CTSC: variants seen among roughly 807,000 people sequenced by gnomAD.
The protein encoded by CTSC is dipeptidyl peptidase 1.
CTSC carries 37 observed loss-of-function variants against 40.9 expected under a neutral mutation model. The ratio of observed to expected loss-of-function variants is 0.91; its 90% CI spans 0.70 to 1.19. CTSC has a LOEUF of 1.19. Among genes scored for constraint, CTSC ranks in the 50% most tolerant of loss-of-function variants. The probability of loss-of-function intolerance (pLI) is 0.00; values close to 1 mark genes in which losing one functional copy is unlikely to be tolerated. For synonymous variants in CTSC, 232 were observed against 207.4 expected (o/e 1.12, Z -1.02); for missense variants, 594 against 567.3 (o/e 1.05, Z -0.48).
At chr11:88,294,543 T>C (rs1291903001) in intron 6 of CTSC, 35 bp from the exon 7 acceptor site, 2 of 1,612,032 alleles carry the variant, frequency 1.2e-6, no homozygotes, top group Non-Finnish European at 1.7e-6. Flanking sequence ...TACCCCTTAG[T>C]AGAAAAAGGA....
intron 4 of CTSC, among the ~76,000 whole-genome samples, chr11:88,307,054 T>A (rs1937648785): frequency 6.6e-6 from 1 of 152,174 alleles, no homozygotes; most frequent in Non-Finnish European, 1.5e-5. Flanking sequence ...GCGAGGGAGA[T>A]AAGGGAACTC....
At chr11:88,336,520 C>T (rs1376397483) in intron 1 of CTSC, among the ~76,000 whole-genome samples, 1 of 135,546 alleles carries the variant, frequency 7.4e-6, no homozygotes, top group Non-Finnish European at 1.5e-5. Context: ...GCCTGGGTGA[C>T]AGAGCAAGAC....
At chr11:88,326,368 CTCTG>C (rs1938187714) in intron 2 of CTSC, 2 of 1,611,526 alleles carry the variant, frequency 1.2e-6, no homozygotes, top group African/African-American at 2.7e-5. Flanking sequence ...TCGCAGGCTG[CTCTG>C]TCTCTTAGCC....
At chr11:88,326,518 T>A in intron 2 of CTSC, 1 of 845,452 alleles carries the variant, frequency 1.2e-6, no homozygotes, top group Non-Finnish European at 1.8e-6. Context: ...CATATCAGTT[T>A]CTTTAAGTAA....
At chr11:88,301,057 G>C (rs1043578206) in intron 4 of CTSC, among the ~76,000 whole-genome samples, 74 of 152,208 alleles carry the variant, frequency 4.9e-4, no homozygotes, top group African/African-American at 1.7e-3. Context: ...CAGACACATT[G>C]GTAGTGAGGT....
rs73534520 is a variant in CTSC, at chr11:88,337,726, G to A, written c.-54C>T. The stretch of plus-strand genomic sequence containing the variant: ...GAATTACCAGGAAGCCGAGCGCTGC[G>A]GGCTAGCGGTGAGTCCACCACGAGG... On this transcript the variant is annotated 5_prime_UTR_variant, in exon 1 of 7. Coordinates refer to ENST00000227266, the MANE Select transcript of CTSC (RefSeq NM_001814.6). 1.6e-4 allele frequency: 241 copies of A among 1,545,052 alleles called. 1 individual carries two copies. The African/African-American group carries it at 2.8e-3, about 18-fold the overall frequency.
intron 2 of CTSC, chr11:88,326,470 C>T: frequency 7.1e-7 from 1 of 1,407,096 alleles, no homozygotes; most frequent in African/African-American, 1.4e-5. Flanking sequence ...ACTAGGGTTA[C>T]AAGCCAACAA....
intron 6 of CTSC, among the ~76,000 whole-genome samples, chr11:88,295,249 G>A (rs540751991): frequency 2.0e-5 from 3 of 152,308 alleles, no homozygotes; most frequent in African/African-American, 7.2e-5. Flanking sequence ...TCACTAGTGA[G>A]CTGGGAAATT....
chr11:88,311,923 C>G (rs370790248), intron 3 of CTSC, among the ~76,000 whole-genome samples: 1 of 152,186 alleles, frequency 6.6e-6, no homozygotes, highest in African/African-American at 2.4e-5. Context: ...TTCCTTAAGC[C>G]ACCCAGTCTG....
rs112016678 is a variant in CTSC at position 88,300,667 on chromosome 11, G to T, written c.642-22C>A. On this transcript the variant is annotated intron_variant, in intron 4 of 6. Transcript: ENST00000227266. ...GGGCCTAGAAAGGAAATATACATTTGATATCAACATATAATCTTTCCTTTG... is the reference window on the plus strand; with the variant it reads ...GGGCCTAGAAAGGAAATATACATTTTATATCAACATATAATCTTTCCTTTG... 39 of 1,330,914 alleles carry T rather than the reference G, an allele frequency of 2.9e-5. No homozygotes were observed. In the African/African-American group the frequency reaches 4.6e-4, roughly 16 times the overall value. The allele number at this position is 1,330,914 out of a possible 1,614,324, so 82.4% of individuals were successfully genotyped here.
In CTSC at chr11:88,337,587, T is replaced by C. The variant is rs781093858; in HGVS notation, c.86A>G (p.Asn29Ser). ...DGAVRCDTPA[N>S]CTYLDLLGTW... Reference sequence around the variant, plus strand: ...GCCCAGCAGGTCAAGATAGGTGCAGTTGGCAGGTGTGTCGCAGCGCACGGC... The same window carrying C: ...GCCCAGCAGGTCAAGATAGGTGCAGCTGGCAGGTGTGTCGCAGCGCACGGC... Residue 29 changes from asparagine (N) to serine (S), a missense_variant, in exon 1 of 7, where the codon AAC becomes AGC. Coordinates refer to ENST00000227266, the MANE Select transcript of CTSC (RefSeq NM_001814.6). 6.3e-7 allele frequency: 1 copy of C among 1,578,268 alleles called. No individual in the cohort carries two copies. Among genetic ancestry groups the C allele is most frequent in the South Asian group, 1.2e-5 (1 of 86,218 alleles).
rs1434894149 is a variant in CTSC at position 88,309,162 on chromosome 11, C to T, written c.641+1G>A. ...TAATGATAAAATGTGTGCTTGATTACCTTGGGATTTTTCGACTGTGGCCAC... is the reference window on the plus strand; with the variant it reads ...TAATGATAAAATGTGTGCTTGATTATCTTGGGATTTTTCGACTGTGGCCAC... On this transcript the variant is annotated splice_donor_variant, in intron 4 of 6. Coordinates refer to ENST00000227266, the MANE Select transcript of CTSC (RefSeq NM_001814.6). LOFTEE classifies it high-confidence loss of function. The T allele has an allele frequency of 6.2e-6, 10 of 1,613,434 alleles. No individual in the cohort carries two copies. The highest frequency in any genetic ancestry group is 8.5e-6 in the Non-Finnish European group (10 of 1,179,504).
intron 4 of CTSC, among the ~76,000 whole-genome samples, chr11:88,308,686 C>A (rs1281399067): frequency 6.6e-6 from 1 of 151,868 alleles, no homozygotes; most frequent in East Asian, 1.9e-4. Context: ...TGGCCACCCC[C>A]ACCCCTTCCC....
intron 2 of CTSC, among the ~76,000 whole-genome samples, chr11:88,318,896 G>A (rs189451440): frequency 3.0e-4 from 45 of 152,072 alleles, no homozygotes; most frequent in Non-Finnish European, 5.9e-4. Flanking sequence ...CAAAAAGAGG[G>A]AAACACCGGC....
chr11:88,327,804 C>A, intron 2 of CTSC: 1 of 387,020 alleles, frequency 2.6e-6, no homozygotes, highest in South Asian at 2.4e-5. Context: ...GAACTTGAGT[C>A]AACCTTTTTT....
chr11:88,305,645 C>T (rs1029455071), intron 4 of CTSC, among the ~76,000 whole-genome samples: 1 of 152,190 alleles, frequency 6.6e-6, no homozygotes, highest in Non-Finnish European at 1.5e-5. Flanking sequence ...TAGAACAGAA[C>T]TAATTTATAA....
chr11:88,311,733 C>G (rs1365674303), intron 3 of CTSC, among the ~76,000 whole-genome samples: 1 of 152,114 alleles, frequency 6.6e-6, no homozygotes, highest in Non-Finnish European at 1.5e-5. Context: ...GGGTGGGCCC[C>G]AATCCAATAT....
chr11:88,335,902 C>G (rs771211755), intron 1 of CTSC, among the ~76,000 whole-genome samples: 1 of 152,178 alleles, frequency 6.6e-6, no homozygotes, highest in African/African-American at 2.4e-5. Flanking sequence ...CTCAAAGGCT[C>G]TACAGTTTAG....
intron 4 of CTSC, among the ~76,000 whole-genome samples, chr11:88,302,543 A>G (rs552506184): frequency 8.0e-5 from 12 of 149,630 alleles, no homozygotes; most frequent in Admixed American, 2.0e-4. Flanking sequence ...GGAGAATGGC[A>G]TGAACCCAGG....
Sources: gnomAD v4.1 joint callset for allele counts (sites outside exome capture counted in the v4.1 genomes callset) on GRCh38, gnomAD v4.1.1 for gene constraint, MANE v1.5 for transcripts, NCBI Gene and HGNC (gene_info 2026-07-23, HGNC 2026-07-21) for gene names.